Variants in DTD2 observed in about 807,000 individuals in gnomAD.
DTD2 encodes the protein D-aminoacyl-tRNA deacylase 2.
In DTD2, 12 loss-of-function variants were observed where a neutral mutation model predicts 15.5. The observed-to-expected ratio is 0.77, with a 90% CI of 0.50 to 1.25. The LOEUF (loss-of-function observed/expected upper bound fraction) is 1.25, where lower values mean the gene tolerates loss of function less well. Ranked by LOEUF, DTD2 falls within the 50% of genes most tolerant of loss-of-function variation. The probability of loss-of-function intolerance (pLI) is 0.00; values close to 1 mark genes in which losing one functional copy is unlikely to be tolerated. For missense variants in DTD2, 170 were observed against 201.1 expected, an observed-to-expected ratio of 0.85 and a Z score of 0.93; for synonymous variants, 59 against 77.3, an observed-to-expected ratio of 0.76 and a Z score of 1.24.
Position 31,446,212 on chromosome 14 carries a change from A to G in DTD2, c.*1917T>C, listed in dbSNP as rs942255803. ...ATTTTTCATGATAAAAATTTTAAGCATCTTAGGAACACAGACCTAAAGAAA... is the reference window on the plus strand; with the variant it reads ...ATTTTTCATGATAAAAATTTTAAGCGTCTTAGGAACACAGACCTAAAGAAA... On this transcript the variant is annotated 3_prime_UTR_variant, in exon 3 of 3. Coordinates refer to ENST00000310850, the MANE Select transcript of DTD2 (RefSeq NM_080664.3). 1 of 152,186 alleles carries G rather than the reference A, an allele frequency of 6.6e-6. No individual in the cohort carries two copies. The highest frequency in any genetic ancestry group is 2.4e-5 in the African/African-American group (1 of 41,452). The allele number at this position is 152,186 out of a possible 1,614,324, so 9.4% of individuals were successfully genotyped here.
intron 2 of DTD2, chr14:31,452,766 T>C (rs750529219): frequency 6.6e-6 from 1 of 152,234 alleles, no homozygotes. Flanking sequence ...ATTTTTGAGA[T>C]AATGCATATC....
At chr14:31,454,505 G>A (rs377606999) in intron 1 of DTD2, among the ~76,000 whole-genome samples, 1 of 152,168 alleles carries the variant, frequency 6.6e-6, no homozygotes, top group African/African-American at 2.4e-5. Context: ...GCATACCCAC[G>A]AGAAGCTGGC....
chr14:31,457,491 A>C lies in DTD2; in HGVS notation c.-98T>G. ...GGGCAGACGAGGCGGGGCACGACGA[A>C]GGGCCTGCGCCGATTGCCCAGTGGC... On this transcript the variant is annotated 5_prime_UTR_variant, in exon 1 of 3. Coordinates refer to ENST00000310850, the MANE Select transcript of DTD2 (RefSeq NM_080664.3). The C allele has an allele frequency of 1.1e-6, 1 of 928,198 alleles. No individual in the cohort carries two copies. Among genetic ancestry groups the C allele is most frequent in the East Asian group, 3.1e-5 (1 of 32,566 alleles). 57.5% of individuals were successfully genotyped at this position (928,198 alleles called of 1,614,324 possible).
chr14:31,454,439 A>G (rs1263916676), intron 1 of DTD2, among the ~76,000 whole-genome samples: 1 of 152,246 alleles, frequency 6.6e-6, no homozygotes, highest in Non-Finnish European at 1.5e-5. Context: ...CTGGAAAAGA[A>G]GTGAGTTTTA....
At chr14:31,451,046 A>G (rs2032026185) in intron 2 of DTD2, among the ~76,000 whole-genome samples, 1 of 152,218 alleles carries the variant, frequency 6.6e-6, no homozygotes, top group Non-Finnish European at 1.5e-5. Flanking sequence ...ATTTAATCCA[A>G]GGCAAAATAT....
intron 2 of DTD2, chr14:31,452,304 G>C (rs1595217577): frequency 1.3e-5 from 2 of 152,200 alleles, no homozygotes. Flanking sequence ...GGCTCTAGGG[G>C]ATAAAGGAAA....
chr14:31,453,015 G>A, intron 2 of DTD2: 1 of 283,854 alleles, frequency 3.5e-6, no homozygotes, highest in Non-Finnish European at 6.6e-6. Context: ...TCGGCTCACT[G>A]CAGCCTCGAC....
Position 31,446,058 on chromosome 14 carries a change from A to G in DTD2, c.*2071T>C, listed in dbSNP as rs1566795144. 6.6e-6 allele frequency: 1 copy of G among 152,354 alleles called. No individual in the cohort carries two copies. Among genetic ancestry groups the G allele is most frequent in the East Asian group, 1.9e-4 (1 of 5,192 alleles). 9.4% of individuals were successfully genotyped at this position (152,354 alleles called of 1,614,324 possible). A position where few individuals can be genotyped will look rare whatever the true frequency, so the allele number is the denominator to read the frequency against. The stretch of plus-strand genomic sequence containing the variant: ...GAGTTTGCAAGTTTATGAATAGTTT[A>G]TTACATTTCAGTAAGTGTATTGTGA... On this transcript the variant is annotated 3_prime_UTR_variant, in exon 3 of 3. Coordinates refer to ENST00000310850, the MANE Select transcript of DTD2 (RefSeq NM_080664.3).
In DTD2 at chr14:31,457,464, C is replaced by G; in HGVS notation, c.-71G>C. ...GCTGGCCCCTCCCTCGACGCGCTGG[C>G]GGGGCAGACGAGGCGGGGCACGACG... On this transcript the variant is annotated 5_prime_UTR_variant, in exon 1 of 3. Transcript: ENST00000310850. 5 of 1,191,262 alleles carry G rather than the reference C, an allele frequency of 4.2e-6. No individual in the cohort carries two copies. The allele number at this position is 1,191,262 out of a possible 1,614,324, so 73.8% of individuals were successfully genotyped here.
In DTD2 at chr14:31,457,465, G is replaced by T. The variant is rs886787477; in HGVS notation, c.-72C>A. 11 of 1,173,138 alleles carry T rather than the reference G, an allele frequency of 9.4e-6. No individual in the cohort carries two copies. Among genetic ancestry groups the T allele is most frequent in the African/African-American group, 4.8e-5 (3 of 62,022 alleles). The allele number at this position is 1,173,138 out of a possible 1,614,324, so 72.7% of individuals were successfully genotyped here. Reference sequence around the variant, plus strand: ...CTGGCCCCTCCCTCGACGCGCTGGCGGGGCAGACGAGGCGGGGCACGACGA... The same window carrying T: ...CTGGCCCCTCCCTCGACGCGCTGGCTGGGCAGACGAGGCGGGGCACGACGA... On this transcript the variant is annotated 5_prime_UTR_variant, in exon 1 of 3. Coordinates refer to ENST00000310850, the MANE Select transcript of DTD2 (RefSeq NM_080664.3).
rs1447552718 is a variant in DTD2, at chr14:31,457,429, G to A, written c.-36C>T. On this transcript the variant is annotated 5_prime_UTR_variant, in exon 1 of 3. Transcript: ENST00000310850. ...AGCGCCGCGGCCGGACAGTTACTAG[G>A]CCATGTGTCGCTGGCCCCTCCCTCG... 9 of 1,398,692 alleles carry A rather than the reference G, an allele frequency of 6.4e-6. No individual in the cohort carries two copies. The highest frequency in any genetic ancestry group is 5.9e-5 in the Admixed American group (2 of 33,668). The allele number at this position is 1,398,692 out of a possible 1,614,324, so 86.6% of individuals were successfully genotyped here.
rs1023142213 is a variant in DTD2 at position 31,457,065 on chromosome 14, C to G, written c.111+218G>C. 5.3e-6 allele frequency: 3 copies of G among 569,782 alleles called. No homozygotes were observed. The African/African-American group carries it at 5.8e-5, about 11-fold the overall frequency. 35.3% of individuals were successfully genotyped at this position (569,782 alleles called of 1,614,324 possible). On this transcript the variant is annotated intron_variant, in intron 1 of 2. Coordinates refer to ENST00000310850, the MANE Select transcript of DTD2 (RefSeq NM_080664.3). ...CCAAGAAGGGAGACACGCTCTTCCT[C>G]TCGGGTGCTACAACTGGCGCTGGGG...
At position 31,448,084 on chromosome 14, in the gene DTD2, A is replaced by G; in HGVS notation, c.*45T>C. 6.9e-7 allele frequency: 1 copy of G among 1,445,302 alleles called. No homozygotes were observed. The highest frequency in any genetic ancestry group is 9.4e-7 in the Non-Finnish European group (1 of 1,061,144). The allele number at this position is 1,445,302 out of a possible 1,614,324, so 89.5% of individuals were successfully genotyped here. On this transcript the variant is annotated 3_prime_UTR_variant, in exon 3 of 3. Transcript: ENST00000310850. ...GGAAGAAAATCTAATTATACTTTAGATCATTTCATACCAGAAAACAGCTAT... is the reference window on the plus strand; with the variant it reads ...GGAAGAAAATCTAATTATACTTTAGGTCATTTCATACCAGAAAACAGCTAT...
At chr14:31,450,097 G>T (rs911392462) in intron 2 of DTD2, among the ~76,000 whole-genome samples, 1 of 152,168 alleles carries the variant, frequency 6.6e-6, no homozygotes, top group African/African-American at 2.4e-5. Flanking sequence ...TCACTATCTA[G>T]CTATCTAGGC....
chr14:31,450,928 C>T (rs534595049), intron 2 of DTD2, among the ~76,000 whole-genome samples: 160 of 152,212 alleles, frequency 1.1e-3, no homozygotes, highest in Non-Finnish European at 1.7e-3. Context: ...TGATGAAGAA[C>T]CATTTGAGAA....
chr14:31,448,887 CTTTA>C (rs1205276751), intron 2 of DTD2, among the ~76,000 whole-genome samples: 1 of 151,922 alleles, frequency 6.6e-6, no homozygotes, highest in African/African-American at 2.4e-5. Context: ...TGCTTGCTTG[CTTTA>C]TTTATTTATG....
At chr14:31,450,380 T>C (rs2032017424) in intron 2 of DTD2, among the ~76,000 whole-genome samples, 2 of 152,252 alleles carry the variant, frequency 1.3e-5, no homozygotes, top group Admixed American at 1.3e-4. Context: ...ATAGGAGATG[T>C]TAAGCTTTGA....
At position 31,450,294 on chromosome 14, in the gene DTD2, G is replaced by A. The variant is rs116174875; in HGVS notation, c.182-1840C>T. The stretch of plus-strand genomic sequence containing the variant: ...TAGAAACAGTAAGTAGAATTAAAAC[G>A]AGACAATGAATTAATGGCATGCTGG... On this transcript the variant is annotated intron_variant, in intron 2 of 2. Coordinates refer to ENST00000310850, the MANE Select transcript of DTD2 (RefSeq NM_080664.3). Among the ~76,000 whole-genome samples the A allele has an allele frequency of 8.5e-3, 1,297 of 152,276 alleles. 8 individuals are homozygous for A. The highest frequency in any genetic ancestry group is 0.03 in the African/African-American group (1,226 of 41,554).
At chr14:31,454,814 C>G (rs2032077303) in intron 1 of DTD2, among the ~76,000 whole-genome samples, 2 of 152,140 alleles carry the variant, frequency 1.3e-5, no homozygotes, top group Admixed American at 1.3e-4. Flanking sequence ...ATAATTCTCA[C>G]TGTAGCTTTA....
Sources: gnomAD v4.1 joint callset for allele counts (sites outside exome capture counted in the v4.1 genomes callset) on GRCh38, gnomAD v4.1.1 for gene constraint, MANE v1.5 for transcripts, NCBI Gene and HGNC (gene_info 2026-07-23, HGNC 2026-07-21) for gene names.